Variants in SERAC1 observed in about 807,000 individuals in gnomAD.
The protein encoded by SERAC1 is serine active site containing 1, also known as protein SERAC1.
In SERAC1, 36 loss-of-function variants were observed where a neutral mutation model predicts 85.7. The ratio of observed to expected loss-of-function variants is 0.42; its 90% CI spans 0.32 to 0.55. The LOEUF (loss-of-function observed/expected upper bound fraction) is 0.55, where lower values mean the gene tolerates loss of function less well. Ranked by LOEUF, SERAC1 falls within the 20% of genes least tolerant of loss-of-function variation. SERAC1 has a pLI of 0.11. For missense variants in SERAC1, 629 were observed against 796.2 expected, an observed-to-expected ratio of 0.79 and a Z score of 2.53; for synonymous variants, 242 against 265.3, an observed-to-expected ratio of 0.91 and a Z score of 0.85.
At chr6:158,124,565 C>G (rs919882020) in intron 10 of SERAC1, among the ~76,000 whole-genome samples, 5 of 151,978 alleles carry the variant, frequency 3.3e-5, no homozygotes, top group Non-Finnish European at 7.4e-5. Context: ...TTCAGTGGAG[C>G]TCAAGCAGGA....
intron 6 of SERAC1, 27 bp downstream of exon 6, chr6:158,146,755 T>C (rs200959106): frequency 2.4e-5 from 39 of 1,611,824 alleles, no homozygotes; most frequent in Middle Eastern, 1.7e-4. Flanking sequence ...GCTGAAGGCA[T>C]GCCACCTGTT....
chr6:158,154,580 C>A (rs912225625), intron 3 of SERAC1, among the ~76,000 whole-genome samples: 1 of 152,024 alleles, frequency 6.6e-6, no homozygotes, highest in Middle Eastern at 3.4e-3. Context: ...ATATTCCTCC[C>A]CCTAAAAAAA....
intron 1 of SERAC1, chr6:158,159,115 C>G (rs895983503): frequency 1.3e-5 from 2 of 151,974 alleles, no homozygotes; most frequent in African/African-American, 2.4e-5. Context: ...GTTTTGTTTT[C>G]TATTTCTGCT....
intron 5 of SERAC1, among the ~76,000 whole-genome samples, chr6:158,147,428 A>G (rs1442127337): frequency 2.0e-5 from 3 of 151,770 alleles, no homozygotes; most frequent in African/African-American, 7.3e-5. Context: ...TTTCTCCCCA[A>G]AACTTTTTCA....
At chr6:158,167,537 CAAA>C (rs71542916) in intron 1 of SERAC1, among the ~76,000 whole-genome samples, 9 of 69,918 alleles carry the variant, frequency 1.3e-4, no homozygotes, top group African/African-American at 3.8e-4. Flanking sequence ...GACTCCATCT[CAAA>C]AAAAAAAAAA....
chr6:158,143,331 CTCTCTCTCTCTCTCTCTA>C lies in SERAC1; in HGVS notation c.610-165_610-148del, dbSNP rs1468683477. The stretch of plus-strand genomic sequence containing the variant: ...TCTCTCTCTCTCTCTCTCTCTCTCT[CTCTCTCTCTCTCTCTCTA>C]TATATATATATATATATATATATAT... On this transcript the variant is annotated intron_variant, in intron 7 of 16. Transcript: ENST00000647468. 17 of 200,152 alleles carry C rather than the reference CTCTCTCTCTCTCTCTCTA, an allele frequency of 8.5e-5. No individual in the cohort carries two copies. In the African/African-American group the frequency reaches 9.8e-4, roughly 11 times the overall value. 12.4% of individuals were successfully genotyped at this position (200,152 alleles called of 1,614,324 possible).
chr6:158,113,656 A>C (rs1197296079), intron 15 of SERAC1, 64 bp from the exon 16 acceptor site: 10 of 1,365,940 alleles, frequency 7.3e-6, no homozygotes, highest in Non-Finnish European at 1.0e-5. Flanking sequence ...AAAATGCATT[A>C]ATCTTTCAAA....
At position 158,148,972 on chromosome 6, in the gene SERAC1, T is replaced by A. The variant is rs751731905; in HGVS notation, c.266-18A>T. 6.4e-7 allele frequency: 1 copy of A among 1,565,086 alleles called. No individual in the cohort carries two copies. Among genetic ancestry groups the A allele is most frequent in the Non-Finnish European group, 8.7e-7 (1 of 1,151,400 alleles). On this transcript the variant is annotated intron_variant, in intron 4 of 16. Coordinates refer to ENST00000647468, the MANE Select transcript of SERAC1 (RefSeq NM_032861.4). The stretch of plus-strand genomic sequence containing the variant: ...GGCAATACCTAAAATGATTATAAAA[T>A]TAAGTAAAACCAAGAATGTATTTTT...
intron 8 of SERAC1, among the ~76,000 whole-genome samples, chr6:158,139,380 T>C (rs1045718461): frequency 1.3e-5 from 2 of 152,114 alleles, no homozygotes; most frequent in Admixed American, 6.6e-5. Context: ...AATTCAACAA[T>C]ATAAAGAACT....
At chr6:158,123,949 A>G (rs1230456276) in intron 10 of SERAC1, among the ~76,000 whole-genome samples, 1 of 152,162 alleles carries the variant, frequency 6.6e-6, no homozygotes, top group Admixed American at 6.5e-5. Flanking sequence ...CTCAGGGCTG[A>G]TTTTTAGGTG....
rs1341485335 is a variant in SERAC1, at chr6:158,111,205, C to T, written c.*161G>A. The stretch of plus-strand genomic sequence containing the variant: ...CCACTTCCGGGTTGGTGCTTTACAG[C>T]GCTTGAAGGGAGAACAATGTTCTGT... On this transcript the variant is annotated 3_prime_UTR_variant, in exon 17 of 17. Coordinates refer to ENST00000647468, the MANE Select transcript of SERAC1 (RefSeq NM_032861.4). 13 of 616,370 alleles carry T rather than the reference C, an allele frequency of 2.1e-5. No individual in the cohort carries two copies. Among genetic ancestry groups the T allele is most frequent in the South Asian group, 9.7e-5 (3 of 31,044 alleles). 38.2% of individuals were successfully genotyped at this position (616,370 alleles called of 1,614,324 possible). A position where few individuals can be genotyped will look rare whatever the true frequency, so the allele number is the denominator to read the frequency against.
chr6:158,159,998 T>C (rs181063743), intron 1 of SERAC1, among the ~76,000 whole-genome samples: 44 of 152,344 alleles, frequency 2.9e-4, no homozygotes, highest in African/African-American at 1.0e-3. Context: ...TATAAATATA[T>C]CATACAAGCT....
rs1784137047 is a variant in SERAC1 at position 158,111,271 on chromosome 6, CTA to C, written c.*93_*94del. The C allele has an allele frequency of 3.4e-6, 4 of 1,166,272 alleles. No individual in the cohort carries two copies. Among genetic ancestry groups the C allele is most frequent in the Non-Finnish European group, 4.8e-6 (4 of 834,910 alleles). 72.2% of individuals were successfully genotyped at this position (1,166,272 alleles called of 1,614,324 possible). A position where few individuals can be genotyped will look rare whatever the true frequency, so the allele number is the denominator to read the frequency against. ...CCAGACCATGTTGACGCTATGATCA[CTA>C]TGTTTGCATGATTGCATAGAGCTTA... On this transcript the variant is annotated 3_prime_UTR_variant, in exon 17 of 17. Transcript: ENST00000647468.
intron 10 of SERAC1, among the ~76,000 whole-genome samples, chr6:158,125,751 A>C (rs953138464): frequency 2.6e-5 from 4 of 152,194 alleles, no homozygotes; most frequent in Non-Finnish European, 5.9e-5. Flanking sequence ...ATAAGAGTAA[A>C]ACATATTACA....
chr6:158,144,079 C>G (rs191909919), intron 7 of SERAC1, among the ~76,000 whole-genome samples: 9 of 152,150 alleles, frequency 5.9e-5, no homozygotes, highest in African/African-American at 1.9e-4. Flanking sequence ...TTTATAGAGA[C>G]TCCAAATTCC....
At position 158,110,770 on chromosome 6, in the gene SERAC1, T is replaced by C. The variant is rs572356042; in HGVS notation, c.*596A>G. 44 of 152,334 alleles carry C rather than the reference T, an allele frequency of 2.9e-4. No homozygotes were observed. The highest frequency in any genetic ancestry group is 1.0e-3 in the African/African-American group (43 of 41,570). The allele number at this position is 152,334 out of a possible 1,614,324, so 9.4% of individuals were successfully genotyped here. A position where few individuals can be genotyped will look rare whatever the true frequency, so the allele number is the denominator to read the frequency against. On this transcript the variant is annotated 3_prime_UTR_variant, in exon 17 of 17. Coordinates refer to ENST00000647468, the MANE Select transcript of SERAC1 (RefSeq NM_032861.4). ...AGAATTTTTCTAAGAAAAAGATTTG[T>C]TCTCAGGAATACGAAAATAGATACA...
chr6:158,151,373 C>T (rs894798190), intron 3 of SERAC1, among the ~76,000 whole-genome samples: 3 of 152,134 alleles, frequency 2.0e-5, no homozygotes, highest in Non-Finnish European at 1.5e-5. Context: ...ACTGTACCCA[C>T]GAGTAGCCGC....
Position 158,150,461 on chromosome 6 carries a change from T to C in SERAC1, c.257A>G (p.Glu86Gly). 6.4e-7 allele frequency: 1 copy of C among 1,568,824 alleles called. No individual in the cohort carries two copies. ...CTTTACAATAAACTTACCATGATTT[T>C]CTCCTTTGTCTAAAGAAACTGTGTG... is the stretch of plus-strand genomic sequence containing the variant. ...YVHTVSLDKG[E>G]NHGIAWQARK... Residue 86 changes from glutamate to glycine, a missense_variant, in exon 4 of 17, where the codon GAA becomes GGA. Physicochemically the swap from Glu to Gly is moderately conservative, Grantham distance 98. Transcript: ENST00000647468.
chr6:158,144,985 T>C (rs969247525), intron 6 of SERAC1, among the ~76,000 whole-genome samples: 2 of 152,198 alleles, frequency 1.3e-5, no homozygotes, highest in African/African-American at 4.8e-5. Flanking sequence ...GGTTCAGGCC[T>C]GTAATACCAG....
Sources: gnomAD v4.1 joint callset for allele counts (sites outside exome capture counted in the v4.1 genomes callset) on GRCh38, gnomAD v4.1.1 for gene constraint, MANE v1.5 for transcripts, NCBI Gene and HGNC (gene_info 2026-07-23, HGNC 2026-07-21) for gene names.